TTC39A: variants seen among roughly 807,000 people sequenced by gnomAD.
TTC39A encodes tetratricopeptide repeat domain 39A.
A neutral mutation model predicts 82.3 loss-of-function variants in TTC39A; 46 were observed. That is an observed-to-expected ratio of 0.56 (90% CI 0.44 to 0.71). The LOEUF is 0.71. Among genes scored for constraint, TTC39A ranks in the 30% least tolerant of loss-of-function variants. TTC39A has a pLI of 0.00. For synonymous variants in TTC39A, 254 were observed against 275.2 expected (o/e 0.92, Z 0.76); for missense variants, 543 against 712.9 (o/e 0.76, Z 2.71).
At chr1:51,304,339 C>T (rs140356967) in intron 8 of TTC39A, among the ~76,000 whole-genome samples, 106 of 152,160 alleles carry the variant, frequency 7.0e-4, no homozygotes, top group African/African-American at 2.3e-3. Flanking sequence ...TAGAGAGGTC[C>T]GTGGGTGTGG....
intron 7 of TTC39A, among the ~76,000 whole-genome samples, 175 bp downstream of exon 7, chr1:51,305,802 C>T (rs972076193): frequency 1.3e-5 from 2 of 152,196 alleles, no homozygotes; most frequent in Non-Finnish European, 2.9e-5. Context: ...CCACACCACC[C>T]CCACCCCAGC....
intron 1 of TTC39A, among the ~76,000 whole-genome samples, chr1:51,342,583 C>T (rs1646049882): frequency 6.6e-6 from 1 of 152,180 alleles, no homozygotes; most frequent in Non-Finnish European, 1.5e-5. Context: ...TGCTGTGGGA[C>T]ACAGGGTGGT....
chr1:51,316,165 C>G (rs1445388348), intron 2 of TTC39A, among the ~76,000 whole-genome samples: 1 of 152,176 alleles, frequency 6.6e-6, no homozygotes. Flanking sequence ...AATGGAGCCC[C>G]AGCACCCAGC....
At chr1:51,324,128 T>C (rs1027019375) in intron 1 of TTC39A, among the ~76,000 whole-genome samples, 1 of 152,202 alleles carries the variant, frequency 6.6e-6, no homozygotes, top group African/African-American at 2.4e-5. Flanking sequence ...ACCCAAAGTT[T>C]GTGTGATGGC....
upstream of TTC39A, chr1:51,331,841 T>C: frequency 1.0e-6 from 1 of 983,476 alleles, no homozygotes; most frequent in Non-Finnish European, 1.2e-6. Flanking sequence ...GGGAGCTTCC[T>C]GGAAGAGGTG....
chr1:51,343,564 G>A (rs1211902093), intron 1 of TTC39A, among the ~76,000 whole-genome samples: 1 of 152,112 alleles, frequency 6.6e-6, no homozygotes, highest in East Asian at 1.9e-4. Context: ...GCCTCGCCCA[G>A]CATCTATTTC....
chr1:51,299,099 A>G (rs1373061886), intron 12 of TTC39A: 1 of 152,238 alleles, frequency 6.6e-6, no homozygotes, highest in Non-Finnish European at 1.5e-5. Flanking sequence ...CTCTCAGAGT[A>G]GATAACAAGA....
intron 1 of TTC39A, among the ~76,000 whole-genome samples, chr1:51,328,809 G>C (rs1371799770): frequency 6.6e-6 from 1 of 152,204 alleles, no homozygotes; most frequent in East Asian, 1.9e-4. Flanking sequence ...TAAAAAGGTA[G>C]AGATTTAAGG....
intron 1 of TTC39A, among the ~76,000 whole-genome samples, chr1:51,344,475 G>A (rs1313176024): frequency 6.6e-6 from 1 of 152,148 alleles, no homozygotes; most frequent in East Asian, 1.9e-4. Flanking sequence ...TGGAGGAGCT[G>A]GGGTGCACAT....
intron 2 of TTC39A, among the ~76,000 whole-genome samples, chr1:51,313,843 T>C (rs1248719160): frequency 1.3e-5 from 2 of 152,096 alleles, no homozygotes; most frequent in Non-Finnish European, 2.9e-5. Flanking sequence ...TAAAAAGTAA[T>C]AATAATTTTT....
chr1:51,309,375 G>T, intron 5 of TTC39A, 50 bp from the exon 6 acceptor site: 2 of 1,611,922 alleles, frequency 1.2e-6, no homozygotes, highest in South Asian at 1.1e-5. Flanking sequence ...GCAGCTGCAG[G>T]CGTGAGAGGG....
rs1399716327 is a variant in TTC39A at position 51,321,121 on chromosome 1, G to GC, written c.146+599dup. On this transcript the variant is annotated intron_variant, in intron 2 of 17. Transcript: ENST00000680483. This position sits in a 1 kb window ranked among gnomAD's most constrained non-coding sequence, Gnocchi z 4.6. ...ACTTCTGACCTCAAGTGATCCACCC[G>GC]CCTTGGCCTCCCAAAGTGCTGGGAT... 3.3e-5 allele frequency among the ~76,000 whole-genome samples: 5 copies of GC among 152,000 alleles called. No homozygotes were observed. The highest frequency in any genetic ancestry group is 1.2e-4 in the African/African-American group (5 of 41,364).
At chr1:51,344,898 C>A in intron 1 of TTC39A, 1 of 1,438,508 alleles carries the variant, frequency 7.0e-7, no homozygotes, top group Non-Finnish European at 9.3e-7. Flanking sequence ...CCCAGCTGTG[C>A]CTCTCAGCTG....
At chr1:51,340,202 G>A (rs1646017644) in intron 1 of TTC39A, among the ~76,000 whole-genome samples, 1 of 152,174 alleles carries the variant, frequency 6.6e-6, no homozygotes, top group African/African-American at 2.4e-5. Flanking sequence ...ACCTGAATGG[G>A]AATGAATTAA....
intron 1 of TTC39A, among the ~76,000 whole-genome samples, chr1:51,343,280 G>A (rs551079168): frequency 6.6e-5 from 10 of 152,290 alleles, no homozygotes; most frequent in South Asian, 2.1e-4. Flanking sequence ...CATTGAAATC[G>A]TCTGTCCACA....
chr1:51,339,480 T>C (rs1175531479), intron 1 of TTC39A, among the ~76,000 whole-genome samples: 2 of 152,192 alleles, frequency 1.3e-5, no homozygotes. Context: ...TCCTCTTTTT[T>C]CCTGGGAAAG....
At chr1:51,291,762 C>G (rs1432596613) in intron 14 of TTC39A, among the ~76,000 whole-genome samples, 1 of 151,252 alleles carries the variant, frequency 6.6e-6, no homozygotes, top group East Asian at 1.9e-4. Flanking sequence ...GCTATGATCA[C>G]CCCACTGCAT....
At chr1:51,314,349 T>C (rs1557728202) in intron 2 of TTC39A, among the ~76,000 whole-genome samples, 1 of 152,208 alleles carries the variant, frequency 6.6e-6, no homozygotes, top group Non-Finnish European at 1.5e-5. Flanking sequence ...ACTGTGGGAC[T>C]GACTGAGAGC....
At chr1:51,306,472 A>G (rs1644872593) in intron 6 of TTC39A, among the ~76,000 whole-genome samples, 1 of 152,212 alleles carries the variant, frequency 6.6e-6, no homozygotes, top group Non-Finnish European at 1.5e-5. Context: ...CCTGAGCACC[A>G]GATGCCAGTA....
Sources: gnomAD v4.1 joint callset for allele counts (sites outside exome capture counted in the v4.1 genomes callset) on GRCh38, gnomAD v4.1.1 for gene constraint, Gnocchi (gnomAD v3.1) non-coding constraint, MANE v1.5 for transcripts, NCBI Gene and HGNC (gene_info 2026-07-23, HGNC 2026-07-21) for gene names.